Variants in PDE10A observed in about 807,000 individuals in gnomAD.
PDE10A encodes the protein cAMP and cAMP-inhibited cGMP 3',5'-cyclic phosphodiesterase 10A.
A neutral mutation model predicts 97.7 loss-of-function variants in PDE10A; 39 were observed. That is an observed-to-expected ratio of 0.40 (90% CI 0.31 to 0.52). PDE10A has a LOEUF of 0.52. PDE10A is among the 20% of genes least tolerant of loss of function. PDE10A has a pLI of 0.56. For synonymous variants in PDE10A, 371 were observed against 376.8 expected, an observed-to-expected ratio of 0.98 and a Z score of 0.18; for missense variants, 731 against 1,047.8, an observed-to-expected ratio of 0.70 and a Z score of 4.17.
chr6:165,976,363 G>A (rs531388285), intron 1 of PDE10A, among the ~76,000 whole-genome samples: 1 of 152,252 alleles, frequency 6.6e-6, no homozygotes, highest in Non-Finnish European at 1.5e-5. Context: ...AGCCACAGGT[G>A]ATTCTACATT....
intron 1 of PDE10A, among the ~76,000 whole-genome samples, chr6:165,710,002 A>C (rs1447221442): frequency 6.6e-6 from 1 of 151,978 alleles, no homozygotes; most frequent in Non-Finnish European, 1.5e-5. Context: ...TGCTGGCTGC[A>C]TTTAGGCCAT....
chr6:165,981,493 G>A (rs1157732375), intron 1 of PDE10A, among the ~76,000 whole-genome samples: 2 of 152,120 alleles, frequency 1.3e-5, no homozygotes, highest in African/African-American at 2.4e-5. Flanking sequence ...TTCAGATGTC[G>A]GTCATTTTCT....
intron 2 of PDE10A, among the ~76,000 whole-genome samples, chr6:165,496,801 C>A (rs1012070979): frequency 6.6e-6 from 1 of 152,122 alleles, no homozygotes; most frequent in African/African-American, 2.4e-5. Flanking sequence ...TGCTAGAAAT[C>A]GCTACTTTTA....
chr6:165,592,940 C>T (rs1212415864), intron 1 of PDE10A, among the ~76,000 whole-genome samples: 1 of 152,164 alleles, frequency 6.6e-6, no homozygotes, highest in African/African-American at 2.4e-5. Flanking sequence ...CCAGCCATCC[C>T]ATTACTGGGT....
In PDE10A at chr6:165,332,945, C is replaced by A. The variant is rs1433928883; in HGVS notation, c.*80G>T. On this transcript the variant is annotated 3_prime_UTR_variant, in exon 22 of 22. Coordinates refer to ENST00000539869, the MANE Select transcript of PDE10A (RefSeq NM_001385079.1). ...TTACCAGGTGCAGGTTCCCCCCACC[C>A]CCCCCAAAAAAAGGAAAAGAATGTC... The A allele has an allele frequency of 4.6e-6, 3 of 649,428 alleles. No individual in the cohort carries two copies. The highest frequency in any genetic ancestry group is 3.7e-5 in the African/African-American group (2 of 53,458). The allele number at this position is 649,428 out of a possible 1,614,324, so 40.2% of individuals were successfully genotyped here. A position where few individuals can be genotyped will look rare whatever the true frequency, so the allele number is the denominator to read the frequency against.
chr6:165,707,471 T>G (rs1300671597), intron 1 of PDE10A, among the ~76,000 whole-genome samples: 2 of 152,216 alleles, frequency 1.3e-5, no homozygotes, highest in East Asian at 3.8e-4. Context: ...CAGTTTTCAT[T>G]TCACTGAATT....
intron 8 of PDE10A, among the ~76,000 whole-genome samples, chr6:165,430,955 C>G (rs1267817663): frequency 6.6e-6 from 1 of 152,070 alleles, no homozygotes; most frequent in Admixed American, 6.6e-5. Context: ...TAAAGTCTAA[C>G]CACCAGTAAA....
chr6:165,761,352 C>T (rs142153934), intron 1 of PDE10A, among the ~76,000 whole-genome samples: 3 of 152,262 alleles, frequency 2.0e-5, no homozygotes, highest in South Asian at 2.1e-4. Flanking sequence ...AATAAATTGG[C>T]GTGACATTGG....
At chr6:165,622,871 C>T (rs1390975001) in intron 1 of PDE10A, among the ~76,000 whole-genome samples, 1 of 152,082 alleles carries the variant, frequency 6.6e-6, no homozygotes, top group Non-Finnish European at 1.5e-5. Flanking sequence ...GGTGTTTGGA[C>T]CATGGGAGAG....
intron 1 of PDE10A, among the ~76,000 whole-genome samples, chr6:165,597,224 T>C (rs1037522340): frequency 1.3e-5 from 2 of 152,116 alleles, no homozygotes; most frequent in Non-Finnish European, 2.9e-5. Flanking sequence ...TCTTGGCACA[T>C]AGTAGACACC....
chr6:165,922,666 T>C (rs1027836588), intron 1 of PDE10A, among the ~76,000 whole-genome samples: 15 of 152,164 alleles, frequency 9.9e-5, no homozygotes, highest in African/African-American at 2.9e-4. Flanking sequence ...TTTATGAGAA[T>C]GTAAAGGTTA....
intron 5 of PDE10A, among the ~76,000 whole-genome samples, chr6:165,441,166 C>T (rs548529321): frequency 6.6e-6 from 1 of 152,288 alleles, no homozygotes; most frequent in South Asian, 2.1e-4. Context: ...CTCTCATCTA[C>T]TGAGAGGTCT....
intron 1 of PDE10A, among the ~76,000 whole-genome samples, chr6:165,669,816 A>G (rs758135396): frequency 2.3e-4 from 35 of 152,202 alleles, no homozygotes; most frequent in Admixed American, 4.6e-4. Context: ...CTTTCTACTT[A>G]TTATAAGAAA....
At chr6:165,343,055 T>C (rs1353722796) in intron 19 of PDE10A, among the ~76,000 whole-genome samples, 2 of 152,208 alleles carry the variant, frequency 1.3e-5, no homozygotes, top group Admixed American at 6.5e-5. Flanking sequence ...GAGTACTTTG[T>C]CCAGTGCCTA....
At chr6:165,650,565 G>A (rs1789632030) in intron 1 of PDE10A, among the ~76,000 whole-genome samples, 1 of 152,044 alleles carries the variant, frequency 6.6e-6, no homozygotes, top group Non-Finnish European at 1.5e-5. Context: ...AAGATCTTCT[G>A]GACATTCGTT....
chr6:165,336,525 G>A (rs1781659299), intron 20 of PDE10A, among the ~76,000 whole-genome samples: 1 of 151,926 alleles, frequency 6.6e-6, no homozygotes, highest in Admixed American at 6.6e-5. Flanking sequence ...CGAGGCGGGT[G>A]GATCACGAGG....
intron 7 of PDE10A, among the ~76,000 whole-genome samples, chr6:165,432,504 G>A (rs1481864117): frequency 6.6e-6 from 1 of 151,946 alleles, no homozygotes; most frequent in Non-Finnish European, 1.5e-5. Context: ...GAAGGAAACT[G>A]GTTTATACTG....
chr6:165,583,655 C>T (rs1554290650), intron 1 of PDE10A, among the ~76,000 whole-genome samples: 2 of 152,112 alleles, frequency 1.3e-5, no homozygotes, highest in Non-Finnish European at 2.9e-5. Flanking sequence ...GCTGGCTTGA[C>T]AGAAAAGAAA....
At chr6:165,893,396 T>C (rs1781856002) in intron 1 of PDE10A, among the ~76,000 whole-genome samples, 1 of 152,266 alleles carries the variant, frequency 6.6e-6, no homozygotes, top group African/African-American at 2.4e-5. Flanking sequence ...GTTTTCATGC[T>C]TCTCATTTTG....
Sources: allele counts gnomAD v4.1 joint callset (sites outside exome capture counted in the v4.1 genomes callset), GRCh38; gene constraint gnomAD v4.1.1; transcripts MANE v1.5; gene names NCBI Gene and HGNC (gene_info 2026-07-23, HGNC 2026-07-21).